Variants in SVIL observed in about 807,000 individuals in gnomAD.
The protein encoded by SVIL is archvillin.
A neutral mutation model predicts 240.4 loss-of-function variants in SVIL; 101 were observed. The observed-to-expected ratio is 0.42, with a 90% CI of 0.36 to 0.50. SVIL has a LOEUF of 0.50. Ranked by LOEUF, SVIL falls within the 20% of genes least tolerant of loss-of-function variation. The probability of loss-of-function intolerance (pLI) is 0.01; values close to 1 mark genes in which losing one functional copy is unlikely to be tolerated. For synonymous variants in SVIL, 999 were observed against 1,100.0 expected (o/e 0.91, Z 1.82); for missense variants, 2,512 against 2,818.7 (o/e 0.89, Z 2.46).
chr10:29,594,723 A>G (rs1401277535), intron 1 of SVIL, among the ~76,000 whole-genome samples: 1 of 151,830 alleles, frequency 6.6e-6, no homozygotes, highest in Admixed American at 6.6e-5. Flanking sequence ...CACCCAGATA[A>G]TTTTTGTATT....
intron 17 of SVIL, among the ~76,000 whole-genome samples, chr10:29,501,574 A>G (rs1281870099): frequency 6.6e-6 from 1 of 152,208 alleles, no homozygotes; most frequent in Admixed American, 6.5e-5. Flanking sequence ...TAAGTTTAAC[A>G]TTTTATCAAA....
intron 32 of SVIL, among the ~76,000 whole-genome samples, chr10:29,468,175 T>C (rs1945143574): frequency 2.0e-5 from 3 of 152,258 alleles, no homozygotes; most frequent in East Asian, 3.8e-4. Context: ...CCTGTATTTA[T>C]GGACTTGCCT....
intron 1 of SVIL, among the ~76,000 whole-genome samples, chr10:29,578,812 A>C (rs1295178011): frequency 6.6e-6 from 1 of 152,230 alleles, no homozygotes; most frequent in East Asian, 1.9e-4. Context: ...AATCACTTCT[A>C]TCCTTAAATT....
upstream of SVIL, among the ~76,000 whole-genome samples, chr10:29,637,389 A>G (rs1269576812): frequency 6.6e-6 from 1 of 152,174 alleles, no homozygotes; most frequent in African/African-American, 2.4e-5. Flanking sequence ...AGGGAGGCTA[A>G]GGCAGGAGCA....
At chr10:29,720,478 T>G (rs974423192) in intron 1 of SVIL, among the ~76,000 whole-genome samples, 19 of 152,012 alleles carry the variant, frequency 1.2e-4, no homozygotes, top group African/African-American at 4.6e-4. Context: ...ATCAGACATA[T>G]AAAAATGGAA....
At chr10:29,665,115 T>C (rs1959207209) in intron 2 of SVIL, among the ~76,000 whole-genome samples, 1 of 150,452 alleles carries the variant, frequency 6.6e-6, no homozygotes, top group Non-Finnish European at 1.5e-5. Context: ...TAGTGCCAGC[T>C]ACTCAGGAGG....
chr10:29,642,417 GAGAAAGAAAGAAAGAAAGAA>G (rs71020802), intron 3 of SVIL, among the ~76,000 whole-genome samples: 13 of 123,454 alleles, frequency 1.1e-4, no homozygotes, highest in South Asian at 3.1e-4. Flanking sequence ...GAGAGAGAGT[GAGAAAGAAAGAAAGAAAGAA>G]AGAAAGAAAG....
chr10:29,682,065 T>C (rs1282666304), intron 2 of SVIL, among the ~76,000 whole-genome samples: 1 of 152,112 alleles, frequency 6.6e-6, no homozygotes, highest in African/African-American at 2.4e-5. Context: ...TGATCCTAGC[T>C]AGTAAAAGGT....
intron 2 of SVIL, among the ~76,000 whole-genome samples, chr10:29,665,929 A>G (rs923013645): frequency 2.0e-5 from 3 of 152,224 alleles, no homozygotes; most frequent in African/African-American, 7.2e-5. Context: ...TAACGGGGGA[A>G]AAAAGGGGAT....
chr10:29,485,989 C>A (rs1947353666), intron 26 of SVIL, 96 bp downstream of exon 26: 1 of 1,439,354 alleles, frequency 6.9e-7, no homozygotes, highest in Non-Finnish European at 9.5e-7. Flanking sequence ...CACTGGCTAA[C>A]CTTTATTGGG....
intron 1 of SVIL, among the ~76,000 whole-genome samples, chr10:29,700,692 C>T (rs78378187): frequency 0.014 from 2,101 of 152,052 alleles, 26 homozygotes; most frequent in Middle Eastern, 0.058. Context: ...CCAGGATGGT[C>T]TCAATCTCCT....
intron 21 of SVIL, 70 bp downstream of exon 21, chr10:29,493,144 A>C: frequency 6.6e-7 from 1 of 1,510,802 alleles, no homozygotes. Flanking sequence ...GAAAAGCCTC[A>C]TGGATGTGCC....
chr10:29,499,906 C>G (rs1948742575), intron 17 of SVIL, among the ~76,000 whole-genome samples: 1 of 152,244 alleles, frequency 6.6e-6, no homozygotes, highest in African/African-American at 2.4e-5. Flanking sequence ...ACAAAACCTA[C>G]ATGCACGGTA....
chr10:29,617,396 T>G (rs1163698183), intron 1 of SVIL, among the ~76,000 whole-genome samples: 1 of 152,034 alleles, frequency 6.6e-6, no homozygotes, highest in Non-Finnish European at 1.5e-5. Flanking sequence ...CTAATGTATT[T>G]CTCTATTTTG....
chr10:29,501,639 G>T (rs908205104), intron 17 of SVIL, among the ~76,000 whole-genome samples: 6 of 152,016 alleles, frequency 3.9e-5, no homozygotes, highest in Non-Finnish European at 7.4e-5. Context: ...CCTCGTGATC[G>T]GCGAGAAGCC....
chr10:29,542,962 C>G (rs1363395188), intron 6 of SVIL, among the ~76,000 whole-genome samples: 1 of 152,144 alleles, frequency 6.6e-6, no homozygotes, highest in Non-Finnish European at 1.5e-5. Context: ...CCAAGCTGAG[C>G]CAAGCTCCAG....
intron 2 of SVIL, among the ~76,000 whole-genome samples, chr10:29,680,964 C>A (rs554525549): frequency 6.6e-6 from 1 of 151,864 alleles, no homozygotes; most frequent in African/African-American, 2.4e-5. Flanking sequence ...AGAAGGCAAC[C>A]AGCAGGCATG....
At chr10:29,527,169 T>A in intron 12 of SVIL, 113 bp from the exon 13 acceptor site, 1 of 980,370 alleles carries the variant, frequency 1.0e-6, no homozygotes, top group Non-Finnish European at 1.5e-6. Context: ...TTTAACAGAA[T>A]ATTTTGCTAA....
chr10:29,557,331 C>A (rs1198991796), intron 3 of SVIL, among the ~76,000 whole-genome samples: 3 of 152,126 alleles, frequency 2.0e-5, no homozygotes, highest in African/African-American at 7.2e-5. Flanking sequence ...CTCCTAGGCT[C>A]AAGGGATCTG....
Sources: allele counts gnomAD v4.1 joint callset (sites outside exome capture counted in the v4.1 genomes callset), GRCh38; gene constraint gnomAD v4.1.1; transcripts MANE v1.5; gene names NCBI Gene and HGNC (gene_info 2026-07-23, HGNC 2026-07-21).